KHDRBS2: variants seen among roughly 807,000 people sequenced by gnomAD.
KHDRBS2 encodes KH RNA binding domain containing, signal transduction associated 2, also known as KH domain-containing, RNA-binding, signal transduction-associated protein 2.
KHDRBS2 carries 26 observed loss-of-function variants against 44.3 expected under a neutral mutation model. That is an observed-to-expected ratio of 0.59 (90% CI 0.43 to 0.81). The LOEUF is 0.81. KHDRBS2 is among the 40% of genes least tolerant of loss of function. The pLI is 0.00. For missense variants in KHDRBS2, 476 were observed against 433.1 expected (o/e 1.10, Z -0.88); for synonymous variants, 194 against 151.1 (o/e 1.28, Z -2.08).
rs146138980 is a variant in KHDRBS2 at position 62,042,692 on chromosome 6, G to A, written c.336+5186C>T. Among the ~76,000 whole-genome samples the A allele has an allele frequency of 1.5e-3, 224 of 152,122 alleles. 1 individual carries two copies. The highest frequency in any genetic ancestry group is 5.1e-3 in the African/African-American group (210 of 41,526). On this transcript the variant is annotated intron_variant, in intron 3 of 8. Coordinates refer to ENST00000281156, the MANE Select transcript of KHDRBS2 (RefSeq NM_152688.4). ...CACTAGGCAGCCACATCTCTTTGAA[G>A]GTTTTTTGTTGATTTTACTGTTGAT...
intron 8 of KHDRBS2, among the ~76,000 whole-genome samples, chr6:61,690,689 A>G (rs1384079793): frequency 6.6e-6 from 1 of 152,054 alleles, no homozygotes; most frequent in Non-Finnish European, 1.5e-5. Flanking sequence ...TAACAAACAC[A>G]ATGTTTGATT....
At chr6:62,184,772 C>A (rs780872353) in intron 1 of KHDRBS2, among the ~76,000 whole-genome samples, 5 of 151,790 alleles carry the variant, frequency 3.3e-5, no homozygotes, top group Non-Finnish European at 7.4e-5. Context: ...TTCTTTTCAT[C>A]ATATTTACAA....
chr6:62,163,674 A>G (rs1284096004), intron 2 of KHDRBS2, among the ~76,000 whole-genome samples: 1 of 152,002 alleles, frequency 6.6e-6, no homozygotes, highest in African/African-American at 2.4e-5. Context: ...GAATTATACA[A>G]TGGTTTAATG....
At chr6:61,579,205 G>C in the KHDRBS2 span, among the ~76,000 whole-genome samples, 2 of 152,104 alleles carry the variant, frequency 1.3e-5, no homozygotes, top group Admixed American at 1.3e-4. Flanking sequence ...TCTGTGCCCA[G>C]CTCAGTTCTG....
intron 4 of KHDRBS2, among the ~76,000 whole-genome samples, chr6:61,901,633 CAT>C (rs1284607602): frequency 1.3e-5 from 2 of 152,148 alleles, no homozygotes; most frequent in African/African-American, 4.8e-5. Flanking sequence ...TGAGATATCA[CAT>C]GATGTGTTAG....
At chr6:62,271,341 G>A (rs1840055694) in intron 1 of KHDRBS2, among the ~76,000 whole-genome samples, 2 of 152,026 alleles carry the variant, frequency 1.3e-5, no homozygotes, top group South Asian at 2.1e-4. Context: ...TGGTGATGCC[G>A]GTGTTAGCAA....
intron 4 of KHDRBS2, among the ~76,000 whole-genome samples, chr6:61,945,150 T>TATATATACACAC (rs371595813): frequency 0.041 from 3,590 of 86,752 alleles, 451 homozygotes; most frequent in Non-Finnish European, 0.059. Flanking sequence ...TATATATATA[T>TATATATACACAC]ACACACAGAC....
chr6:61,581,923 C>T, the KHDRBS2 span, among the ~76,000 whole-genome samples: 1 of 151,426 alleles, frequency 6.6e-6, no homozygotes, highest in Admixed American at 6.6e-5. Flanking sequence ...TTATAGCAAC[C>T]ATATTCTCTA....
chr6:62,067,193 A>C (rs1210431274), intron 2 of KHDRBS2, among the ~76,000 whole-genome samples: 1 of 151,510 alleles, frequency 6.6e-6, no homozygotes, highest in Non-Finnish European at 1.5e-5. Flanking sequence ...GAAATCCTTA[A>C]CTAAAAATGA....
At chr6:61,827,681 T>C (rs139911889) in intron 6 of KHDRBS2, among the ~76,000 whole-genome samples, 3 of 152,116 alleles carry the variant, frequency 2.0e-5, no homozygotes, top group Non-Finnish European at 2.9e-5. Flanking sequence ...TAGTCCGAGA[T>C]CAGAGTACCA....
At chr6:61,760,742 A>G (rs1779155339) in intron 6 of KHDRBS2, among the ~76,000 whole-genome samples, 1 of 152,222 alleles carries the variant, frequency 6.6e-6, no homozygotes, top group South Asian at 2.1e-4. Context: ...CTTATTTGAA[A>G]TGAAAACACC....
At chr6:62,008,701 T>C (rs1032770966) in intron 3 of KHDRBS2, among the ~76,000 whole-genome samples, 7 of 152,120 alleles carry the variant, frequency 4.6e-5, no homozygotes, top group African/African-American at 1.7e-4. Flanking sequence ...GGTGGGTCTT[T>C]CCCATGCTGT....
chr6:61,602,660 G>A, the KHDRBS2 span, among the ~76,000 whole-genome samples: 29 of 152,176 alleles, frequency 1.9e-4, no homozygotes, highest in South Asian at 2.1e-4. Context: ...GGGTAAGTCC[G>A]TACCCTTCTT....
chr6:61,713,581 C>CTT (rs77315449), intron 7 of KHDRBS2, among the ~76,000 whole-genome samples: 3 of 144,326 alleles, frequency 2.1e-5, no homozygotes, highest in Admixed American at 1.4e-4. Context: ...ATACCTTTAG[C>CTT]TTTTTTTTTT....
chr6:61,965,250 A>G (rs1054650319), intron 4 of KHDRBS2, among the ~76,000 whole-genome samples: 1 of 151,988 alleles, frequency 6.6e-6, no homozygotes, highest in African/African-American at 2.4e-5. Context: ...CTACTTACAA[A>G]TCAATCATAG....
At chr6:61,967,598 A>G (rs1201341274) in intron 4 of KHDRBS2, among the ~76,000 whole-genome samples, 4 of 151,934 alleles carry the variant, frequency 2.6e-5, no homozygotes, top group African/African-American at 9.7e-5. Flanking sequence ...ACCAGGAGTG[A>G]GTAGAAGCTC....
chr6:61,556,634 G>T, the KHDRBS2 span, among the ~76,000 whole-genome samples: 1 of 151,888 alleles, frequency 6.6e-6, no homozygotes, highest in African/African-American at 2.4e-5. Context: ...TTACAGCATG[G>T]TGTTTTTCTT....
chr6:61,917,365 T>C (rs1300023509), intron 4 of KHDRBS2, among the ~76,000 whole-genome samples: 5 of 151,928 alleles, frequency 3.3e-5, no homozygotes, highest in South Asian at 2.1e-4. Flanking sequence ...AAAGCTTAAA[T>C]GTATATATCA....
chr6:61,611,597 T>C, the KHDRBS2 span, among the ~76,000 whole-genome samples: 6 of 152,288 alleles, frequency 3.9e-5, no homozygotes, highest in Admixed American at 3.3e-4. Context: ...TTTATGTACA[T>C]GGTGGAATTC....
Sources: gnomAD v4.1 joint callset for allele counts (sites outside exome capture counted in the v4.1 genomes callset) on GRCh38, gnomAD v4.1.1 for gene constraint, MANE v1.5 for transcripts, NCBI Gene and HGNC (gene_info 2026-07-23, HGNC 2026-07-21) for gene names.